METTL9: variants seen among roughly 807,000 people sequenced by gnomAD.
METTL9 encodes the protein methyltransferase 9, His-X-His N1(pi)-histidine.
A neutral mutation model predicts 36.0 loss-of-function variants in METTL9; 10 were observed. The observed-to-expected ratio is 0.28, with a 90% CI of 0.17 to 0.47. The LOEUF (loss-of-function observed/expected upper bound fraction) is 0.47, where lower values mean the gene tolerates loss of function less well. METTL9 is among the 20% of genes least tolerant of loss of function. The pLI is 0.99. For synonymous variants in METTL9, 175 were observed against 149.7 expected, an observed-to-expected ratio of 1.17 and a Z score of -1.23; for missense variants, 246 against 383.5, an observed-to-expected ratio of 0.64 and a Z score of 3.00.
At chr16:21,601,745 G>A (rs1230235110) in intron 1 of METTL9, among the ~76,000 whole-genome samples, 1 of 148,792 alleles carries the variant, frequency 6.7e-6, no homozygotes, top group Admixed American at 6.8e-5. Flanking sequence ...GTGTGTGTGT[G>A]TGTGTGTGTG....
intron 4 of METTL9, chr16:21,642,151 C>T (rs1170546627): frequency 6.6e-6 from 1 of 152,044 alleles, no homozygotes; most frequent in Non-Finnish European, 1.5e-5. Context: ...GTGAAGCGTT[C>T]CATATTTTTT....
At chr16:21,647,152 C>A in intron 4 of METTL9, 1 of 1,614,114 alleles carries the variant, frequency 6.2e-7, no homozygotes, top group South Asian at 1.1e-5. Context: ...CCAGTGTGGT[C>A]CCTCCTCCTG....
At position 21,656,797 on chromosome 16, in the gene METTL9, T is replaced by C. The variant is rs2141633680; in HGVS notation, c.*1365T>C. 6.6e-6 allele frequency: 1 copy of C among 152,300 alleles called. No homozygotes were observed. Among genetic ancestry groups the C allele is most frequent in the Non-Finnish European group, 1.5e-5 (1 of 68,028 alleles). The allele number at this position is 152,300 out of a possible 1,614,324, so 9.4% of individuals were successfully genotyped here. The stretch of plus-strand genomic sequence containing the variant: ...AAAACCTGAAGAATTACTTTATTAT[T>C]CATTAAGAACTGCATTCCCACATCC... On this transcript the variant is annotated 3_prime_UTR_variant, in exon 5 of 5. Transcript: ENST00000358154.
chr16:21,631,849 T>C (rs1965970381), intron 4 of METTL9, among the ~76,000 whole-genome samples: 1 of 152,246 alleles, frequency 6.6e-6, no homozygotes, highest in Admixed American at 6.5e-5. Context: ...GTTTTAACTT[T>C]ACCCTGGCTT....
chr16:21,646,763 C>A, intron 4 of METTL9: 1 of 320,008 alleles, frequency 3.1e-6, no homozygotes, highest in East Asian at 8.0e-5. Flanking sequence ...ACAAGCGATT[C>A]TCCTGCCTCA....
chr16:21,637,805 C>T (rs1487512223), intron 4 of METTL9, among the ~76,000 whole-genome samples: 1 of 152,272 alleles, frequency 6.6e-6, no homozygotes, highest in Non-Finnish European at 1.5e-5. Context: ...GAGAGGGGTC[C>T]CCACAGCACA....
At chr16:21,627,531 GATA>G (rs1965842678) in intron 4 of METTL9, 1 of 207,898 alleles carries the variant, frequency 4.8e-6, no homozygotes, top group Non-Finnish European at 8.4e-6. Flanking sequence ...TCAAGAGAAG[GATA>G]ATTATATTGT....
chr16:21,606,540 G>T (rs891310871), intron 1 of METTL9, among the ~76,000 whole-genome samples: 1 of 151,988 alleles, frequency 6.6e-6, no homozygotes, highest in Non-Finnish European at 1.5e-5. Flanking sequence ...ATAGTTTAGG[G>T]GTGTCATTAC....
At chr16:21,598,145 T>TGTTGTG (rs1964994044), upstream of METTL9, 1 of 152,192 alleles carries the variant, frequency 6.6e-6, no homozygotes. Flanking sequence ...GGTCAAGAGA[T>TGTTGTG]GGAGACCATC....
At position 21,625,082 on chromosome 16, in the gene METTL9, C is replaced by A. The variant is rs1430700276; in HGVS notation, c.718C>A (p.Leu240Ile). The change falls in exon 4 of 5, where the codon CTT (leucine) becomes ATT (isoleucine). Residue 240 changes from leucine to isoleucine, a missense_variant. By Grantham distance (5) the Leu-to-Ile change is conservative. This residue lies in a region of METTL9 where 146 missense variants were observed against 302.1 expected (regional missense o/e 0.48). Coordinates refer to ENST00000358154, the MANE Select transcript of METTL9 (RefSeq NM_016025.5). Reference protein sequence around the residue: ...EPTRGRVILALVLPFHPYVEN... With the variant: ...EPTRGRVILAIVLPFHPYVEN... ...AACTAGAGGCAGGGTCATCCTTGCC[C>A]TTGTCCTCCCCTTTCATCCCTATGT... 1 of 1,614,184 alleles carries A rather than the reference C, an allele frequency of 6.2e-7. No homozygotes were observed. The highest frequency in any genetic ancestry group is 1.1e-5 in the South Asian group (1 of 91,088).
rs1232546992 is a variant in METTL9, at chr16:21,656,350, T to G, written c.*918T>G. On this transcript the variant is annotated 3_prime_UTR_variant, in exon 5 of 5. Transcript: ENST00000358154. ...TGACAAAATGCAACTAAAAATGTTT[T>G]AATTCAACTTCTTACTCTACACTTA... is the stretch of plus-strand genomic sequence containing the variant. 2.0e-5 allele frequency: 3 copies of G among 152,198 alleles called. No individual in the cohort carries two copies. The highest frequency in any genetic ancestry group is 2.9e-5 in the Non-Finnish European group (2 of 68,038). The allele number at this position is 152,198 out of a possible 1,614,324, so 9.4% of individuals were successfully genotyped here.
At position 21,624,987 on chromosome 16, in the gene METTL9, G is replaced by GGA; in HGVS notation, c.623_624insGA (p.Cys208TrpfsTer3). The GGA allele has an allele frequency of 6.2e-7, 1 of 1,614,130 alleles. No homozygotes were observed. The highest frequency in any genetic ancestry group is 8.5e-7 in the Non-Finnish European group (1 of 1,180,016). On this transcript the variant is annotated frameshift_variant, in exon 4 of 5. Transcript: ENST00000358154. LOFTEE classifies it high-confidence loss of function. Reference sequence around the variant, plus strand: ...GGGTTCCAGTATGATGTCATCAGCTGCCTGAACTTGCTGGACCGCTGTGAT... The same window carrying GGA: ...GGGTTCCAGTATGATGTCATCAGCTGGACCTGAACTTGCTGGACCGCTGTGAT...
intron 4 of METTL9, chr16:21,654,783 T>G (rs1966666397): frequency 6.3e-6 from 1 of 158,488 alleles, no homozygotes; most frequent in African/African-American, 2.4e-5. Context: ...AAGTTTACTA[T>G]GCCAGTGGTA....
intron 2 of METTL9, among the ~76,000 whole-genome samples, chr16:21,615,615 A>C (rs1965536504): frequency 6.6e-6 from 1 of 152,148 alleles, no homozygotes; most frequent in Non-Finnish European, 1.5e-5. Flanking sequence ...TATAATTATC[A>C]TGTCAAGATT....
At chr16:21,643,545 T>C in intron 4 of METTL9, 2 of 1,589,160 alleles carry the variant, frequency 1.3e-6, no homozygotes, top group Non-Finnish European at 1.7e-6. Context: ...TGTTGGTCTG[T>C]ACCTTTTGTG....
At chr16:21,622,140 C>CTTTTTTTTTTTTTTT (rs1965714653) in intron 3 of METTL9, among the ~76,000 whole-genome samples, 1 of 25,842 alleles carries the variant, frequency 3.9e-5, no homozygotes, top group Admixed American at 4.7e-4. Flanking sequence ...CCATGCCTGG[C>CTTTTTTTTTTTTTTT]CTTTTTTTTT....
chr16:21,655,256 A>G lies in METTL9; in HGVS notation c.781A>G (p.Ile261Val). 6.2e-7 allele frequency: 1 copy of G among 1,614,192 alleles called. No individual in the cohort carries two copies. Among genetic ancestry groups the G allele is most frequent in the Non-Finnish European group, 8.5e-7 (1 of 1,180,022 alleles). The change falls in exon 5 of 5, where the codon ATT becomes GTT. Residue 261 changes from isoleucine to valine, a missense_variant. Physicochemically the swap from Ile to Val is conservative, Grantham distance 29. This residue lies in a region of METTL9 where 146 missense variants were observed against 302.1 expected (regional missense o/e 0.48). Coordinates refer to ENST00000358154, the MANE Select transcript of METTL9 (RefSeq NM_016025.5). ...VGGKWEKPSE[I>V]LEIKGQNWEE... is the part of the protein sequence containing the mutation. ...TGGCAAGTGGGAGAAACCATCAGAA[A>G]TTTTGGAAATCAAAGGACAGAACTG...
At chr16:21,637,774 G>A (rs1966142077) in intron 4 of METTL9, among the ~76,000 whole-genome samples, 1 of 152,252 alleles carries the variant, frequency 6.6e-6, no homozygotes, top group Admixed American at 6.5e-5. Context: ...CAGAGAGCCA[G>A]TCCGGCCTCG....
chr16:21,612,910 A>AT (rs1157698936), intron 2 of METTL9, 75 bp downstream of exon 2: 3 of 1,330,746 alleles, frequency 2.3e-6, no homozygotes, highest in Non-Finnish European at 3.0e-6. Flanking sequence ...AAGAAAAGTT[A>AT]TCTTGTTCAG....
Sources: gnomAD v4.1 joint callset for allele counts (sites outside exome capture counted in the v4.1 genomes callset) on GRCh38, gnomAD v4.1.1 for gene constraint, gnomAD v4.1.1 regional missense constraint, MANE v1.5 for transcripts, NCBI Gene and HGNC (gene_info 2026-07-23, HGNC 2026-07-21) for gene names.